Variants in ANO5 observed in about 807,000 individuals in gnomAD.
The protein encoded by ANO5 is anoctamin 5.
In ANO5, 109 loss-of-function variants were observed where a neutral mutation model predicts 121.0. That is an observed-to-expected ratio of 0.90 (90% CI 0.77 to 1.06). The LOEUF (loss-of-function observed/expected upper bound fraction) is 1.06. Ranked by LOEUF, ANO5 falls within the 50% of genes least tolerant of loss-of-function variation. ANO5 has a pLI of 0.00. For missense variants in ANO5, 1,064 were observed against 1,078.5 expected (o/e 0.99, Z 0.19); for synonymous variants, 406 against 359.9 (o/e 1.13, Z -1.45).
At chr11:22,197,289 G>C (rs1485929891) in intron 1 of ANO5, among the ~76,000 whole-genome samples, 4 of 151,662 alleles carry the variant, frequency 2.6e-5, no homozygotes, top group African/African-American at 9.7e-5. Context: ...GAAGTTAATA[G>C]AGCACTTAAT....
At chr11:22,257,513 C>T (rs1208916605) in intron 13 of ANO5, among the ~76,000 whole-genome samples, 167 bp from the exon 14 acceptor site, 1 of 152,080 alleles carries the variant, frequency 6.6e-6, no homozygotes, top group Non-Finnish European at 1.5e-5. Context: ...CTGGAGATTT[C>T]TCCTTCAAGA....
chr11:22,251,836 C>T (rs1853826257), intron 12 of ANO5, among the ~76,000 whole-genome samples: 1 of 151,570 alleles, frequency 6.6e-6, no homozygotes, highest in Middle Eastern at 3.4e-3. Flanking sequence ...ATTACCCTGG[C>T]TAACACGGTG....
chr11:22,259,762 G>A, intron 15 of ANO5, 21 bp downstream of exon 15: 1 of 1,576,620 alleles, frequency 6.3e-7, no homozygotes, highest in South Asian at 1.1e-5. Flanking sequence ...CAAATCATTT[G>A]TGTGATTCTG....
At chr11:22,265,572 G>C (rs1854330755) in intron 17 of ANO5, among the ~76,000 whole-genome samples, 1 of 152,062 alleles carries the variant, frequency 6.6e-6, no homozygotes, top group Non-Finnish European at 1.5e-5. Flanking sequence ...AAGTCATATA[G>C]AATTTGTGTG....
intron 9 of ANO5, among the ~76,000 whole-genome samples, chr11:22,245,885 C>CA (rs1853599043): frequency 6.6e-6 from 1 of 152,032 alleles, no homozygotes; most frequent in Non-Finnish European, 1.5e-5. Flanking sequence ...TGTCGGCACT[C>CA]AAAAAGTTTC....
chr11:22,246,735 A>G (rs1219854324), intron 9 of ANO5, among the ~76,000 whole-genome samples: 1 of 151,632 alleles, frequency 6.6e-6, no homozygotes, highest in African/African-American at 2.4e-5. Flanking sequence ...ACACAACTGT[A>G]ATCTCAGCTA....
rs73481660 is a variant in ANO5, at chr11:22,238,002, G to C, written c.763-1567G>C. ...ACCCAATACAATATAAATGTAAATC[G>C]TTGTTACACTGTATTGTTTTTAAAT... On this transcript the variant is annotated intron_variant, in intron 8 of 21. Coordinates refer to ENST00000324559, the MANE Select transcript of ANO5 (RefSeq NM_213599.3). Among the ~76,000 whole-genome samples the C allele has an allele frequency of 7.2e-5, 11 of 152,034 alleles. No individual in the cohort carries two copies. The South Asian group carries it at 1.9e-3, about 26-fold the overall frequency.
chr11:22,213,338 T>C (rs1852340882), intron 3 of ANO5, among the ~76,000 whole-genome samples: 1 of 152,048 alleles, frequency 6.6e-6, no homozygotes, highest in East Asian at 1.9e-4. Flanking sequence ...CTCCTCTTGG[T>C]TGGGACAGTT....
intron 8 of ANO5, among the ~76,000 whole-genome samples, chr11:22,238,549 C>T (rs1590264383): frequency 6.6e-6 from 1 of 151,984 alleles, no homozygotes; most frequent in East Asian, 1.9e-4. Context: ...TGGATTTTCC[C>T]TTATGTGCTT....
chr11:22,262,959 G>A lies in ANO5; in HGVS notation c.1814G>A (p.Gly605Asp), dbSNP rs369606243. 1.9e-6 allele frequency: 3 copies of A among 1,612,940 alleles called. No homozygotes were observed. Among genetic ancestry groups the A allele is most frequent in the Admixed American group, 3.3e-5 (2 of 59,996 alleles). ...EWRSEECDPG[G>D]CLIELTTQLT... ...GCTTCTGACTAGTGTGATCCTGGAG[G>A]CTGTCTTATAGAATTGACAACCCAA... is the stretch of plus-strand genomic sequence containing the variant. The change falls in exon 17 of 22, where the codon GGC becomes GAC. Residue 605 changes from glycine to aspartate, a missense_variant. By Grantham distance (94) the Gly-to-Asp change is moderately conservative. Transcript: ENST00000324559.
intron 7 of ANO5, among the ~76,000 whole-genome samples, chr11:22,235,089 C>A (rs1433904227): frequency 6.6e-6 from 1 of 152,066 alleles, no homozygotes; most frequent in Non-Finnish European, 1.5e-5. Context: ...CTTTCTATTG[C>A]AGTAGTCCCT....
intron 2 of ANO5, among the ~76,000 whole-genome samples, chr11:22,206,172 C>T (rs1212517586): frequency 6.6e-6 from 1 of 151,790 alleles, no homozygotes; most frequent in African/African-American, 2.4e-5. Context: ...AAAATGAAAA[C>T]AAAAAACCTA....
chr11:22,246,114 C>G (rs932456123), intron 9 of ANO5, among the ~76,000 whole-genome samples: 2 of 152,120 alleles, frequency 1.3e-5, no homozygotes, highest in African/African-American at 2.4e-5. Context: ...TACTGACACT[C>G]CTCCAAAGAG....
At chr11:22,214,706 A>C (rs930415773) in intron 3 of ANO5, among the ~76,000 whole-genome samples, 6 of 152,102 alleles carry the variant, frequency 3.9e-5, no homozygotes, top group Middle Eastern at 3.4e-3. Flanking sequence ...ATTCTTTCCA[A>C]TCATTCGTGA....
In ANO5 at chr11:22,206,986, C is replaced by T. The variant is rs150824313; in HGVS notation, c.87+3136C>T. Among the ~76,000 whole-genome samples the T allele has an allele frequency of 1.5e-3, 231 of 151,928 alleles. 1 individual carries two copies. The highest frequency in any genetic ancestry group is 5.3e-3 in the African/African-American group (219 of 41,468). On this transcript the variant is annotated intron_variant, in intron 2 of 21. Coordinates refer to ENST00000324559, the MANE Select transcript of ANO5 (RefSeq NM_213599.3). Reference sequence around the variant, plus strand: ...TTCTCCCCATTTCCAGGTGACATGACGATGTACATAGAAAATCCCAAGAAA... The same window carrying T: ...TTCTCCCCATTTCCAGGTGACATGATGATGTACATAGAAAATCCCAAGAAA...
chr11:22,263,713 CTG>C (rs140143914), intron 17 of ANO5, among the ~76,000 whole-genome samples: 37 of 152,308 alleles, frequency 2.4e-4, no homozygotes, highest in Non-Finnish European at 2.6e-4. Context: ...TAGGAAATGA[CTG>C]TGTCAGGGTT....
intron 21 of ANO5, chr11:22,278,143 C>A (rs897976920): frequency 1.3e-5 from 2 of 151,550 alleles, no homozygotes; most frequent in African/African-American, 2.4e-5. Flanking sequence ...TTCTGACTCC[C>A]CAGTCTTTGT....
At position 22,193,337 on chromosome 11, in the gene ANO5, G is replaced by GAGGGGAATGAGGAGGAGGAGGAGT. The variant is rs1554916335; in HGVS notation, c.-156_-155insAGGGGAATGAGGAGGAGGAGGAGT. 3.3e-5 allele frequency: 49 copies of GAGGGGAATGAGGAGGAGGAGGAGT among 1,495,652 alleles called. No individual in the cohort carries two copies. The highest frequency in any genetic ancestry group is 1.7e-4 in the Middle Eastern group (1 of 5,780). 92.6% of individuals were successfully genotyped at this position (1,495,652 alleles called of 1,614,324 possible). On this transcript the variant is annotated 5_prime_UTR_variant, in exon 1 of 22. The change creates a new upstream start codon in the 5' untranslated region. Coordinates refer to ENST00000324559, the MANE Select transcript of ANO5 (RefSeq NM_213599.3). Reference sequence around the variant, plus strand: ...GGAGTCCGAGGAGGAGGAGAAGGAGGCCTGCAGAAGGAAGAGCAGGCCCTT... The same window carrying GAGGGGAATGAGGAGGAGGAGGAGT: ...GGAGTCCGAGGAGGAGGAGAAGGAGGAGGGGAATGAGGAGGAGGAGGAGTCCTGCAGAAGGAAGAGCAGGCCCTT...
chr11:22,235,298 C>G (rs1317921105), intron 7 of ANO5, among the ~76,000 whole-genome samples: 1 of 151,654 alleles, frequency 6.6e-6, no homozygotes, highest in East Asian at 1.9e-4. Flanking sequence ...AGGAAATAAT[C>G]TAAAATATGT....
Sources: allele counts gnomAD v4.1 joint callset (sites outside exome capture counted in the v4.1 genomes callset), GRCh38; gene constraint gnomAD v4.1.1; transcripts MANE v1.5; gene names NCBI Gene and HGNC (gene_info 2026-07-23, HGNC 2026-07-21).